HLCS: variants seen among roughly 807,000 people sequenced by gnomAD.
The protein encoded by HLCS is biotin--protein ligase.
Under a neutral mutation model 75.0 loss-of-function variants are expected in HLCS, and 53 were observed. The ratio of observed to expected loss-of-function variants is 0.71; its 90% CI spans 0.57 to 0.89. The LOEUF (loss-of-function observed/expected upper bound fraction) is 0.89. Ranked by LOEUF, HLCS falls within the 40% of genes least tolerant of loss-of-function variation. The pLI is 0.00. For missense variants in HLCS, 966 were observed against 1,074.0 expected, an observed-to-expected ratio of 0.90 and a Z score of 1.41; for synonymous variants, 431 against 428.6, an observed-to-expected ratio of 1.01 and a Z score of -0.07.
At chr21:36,849,343 T>G (rs1021003434) in intron 6 of HLCS, among the ~76,000 whole-genome samples, 1 of 152,252 alleles carries the variant, frequency 6.6e-6, no homozygotes, top group Admixed American at 6.5e-5. Context: ...TAGATTTTAC[T>G]TGCATCAAAA....
intron 6 of HLCS, among the ~76,000 whole-genome samples, chr21:36,777,738 C>A (rs964604870): frequency 6.6e-6 from 1 of 152,084 alleles, no homozygotes; most frequent in South Asian, 2.1e-4. Context: ...TACATGGAAG[C>A]GATATTGTGA....
chr21:36,771,219 CAAAT>C (rs749446913), intron 6 of HLCS, among the ~76,000 whole-genome samples: 124 of 142,408 alleles, frequency 8.7e-4, no homozygotes, highest in Non-Finnish European at 1.2e-3. Context: ...GACTCCGTCT[CAAAT>C]AAATAAATAA....
intron 5 of HLCS, among the ~76,000 whole-genome samples, chr21:36,904,267 C>T (rs2065357655): frequency 2.6e-5 from 4 of 152,142 alleles, no homozygotes; most frequent in Admixed American, 1.3e-4. Context: ...TTCTTATGTG[C>T]ATGCAAGTTG....
At chr21:36,878,492 T>C (rs544167767) in intron 6 of HLCS, among the ~76,000 whole-genome samples, 1 of 152,300 alleles carries the variant, frequency 6.6e-6, no homozygotes, top group African/African-American at 2.4e-5. Flanking sequence ...TGAGCACCTA[T>C]TAAAGGTCAG....
At chr21:36,958,646 G>A (rs1352043842) in intron 2 of HLCS, among the ~76,000 whole-genome samples, 1 of 152,078 alleles carries the variant, frequency 6.6e-6, no homozygotes, top group Non-Finnish European at 1.5e-5. Context: ...ACAATTAGCT[G>A]GGCGTGGCAG....
At chr21:36,956,721 C>T in intron 2 of HLCS, among the ~76,000 whole-genome samples, 1 of 151,980 alleles carries the variant, frequency 6.6e-6, no homozygotes, top group East Asian at 1.9e-4. Context: ...CAGAGCGAGA[C>T]TCCGTCTCAA....
rs200629955 is a variant in HLCS, at chr21:36,936,559, C to T, written c.1327G>A (p.Val443Ile). ...TGGAGCCTGCCGGGGCTGAGCCGGA[C>T]GGGGCCTTCCTGGTACCTGCAGCCA... ...SSGCRYQEGP[V>I]RLSPGRLQGH... The change falls in exon 4 of 11, where the codon GTC becomes ATC. Residue 443 changes from valine to isoleucine, a missense_variant. Val to Ile is a conservative substitution (Grantham distance 29). Transcript: ENST00000674895. The T allele has an allele frequency of 1.2e-4, 194 of 1,614,074 alleles. No individual in the cohort carries two copies. Among genetic ancestry groups the T allele is most frequent in the Non-Finnish European group, 1.6e-4 (186 of 1,180,030 alleles).
At chr21:36,765,748 A>C (rs2090008501) in intron 7 of HLCS, among the ~76,000 whole-genome samples, 2 of 152,116 alleles carry the variant, frequency 1.3e-5, no homozygotes, top group Admixed American at 1.3e-4. Flanking sequence ...CCTGGGTTCA[A>C]GTGATTCTCC....
At chr21:36,798,862 C>T (rs1161845762) in intron 6 of HLCS, among the ~76,000 whole-genome samples, 1 of 152,044 alleles carries the variant, frequency 6.6e-6, no homozygotes, top group Non-Finnish European at 1.5e-5. Flanking sequence ...CAAATTTTTG[C>T]CTTTTAAAAA....
intron 5 of HLCS, among the ~76,000 whole-genome samples, chr21:36,921,213 G>C (rs757347543): frequency 2.0e-5 from 3 of 152,190 alleles, no homozygotes; most frequent in Non-Finnish European, 2.9e-5. Flanking sequence ...TTGGGGAGCC[G>C]AGGCAGGCGG....
Position 36,790,403 on chromosome 21 carries a change from A to AAAAC in HLCS, c.1893-23122_1893-23119dup, listed in dbSNP as rs367981758. Among the ~76,000 whole-genome samples, 1,349 of 152,186 alleles carry AAAAC rather than the reference A, an allele frequency of 8.9e-3. 5 individuals are homozygous for AAAAC. Among genetic ancestry groups the AAAAC allele is most frequent in the Admixed American group, 0.015 (228 of 15,288 alleles). ...TGGCGATGGAGTGGGACCCCATCTC[A>AAAAC]AAACAAACAAACAAACAAACAAAAA... On this transcript the variant is annotated intron_variant, in intron 6 of 10. Transcript: ENST00000674895.
chr21:36,834,324 T>C (rs2062325940), intron 6 of HLCS, among the ~76,000 whole-genome samples: 1 of 151,820 alleles, frequency 6.6e-6, no homozygotes, highest in Non-Finnish European at 1.5e-5. Flanking sequence ...TGTGTGGGAG[T>C]CTGTGGGAGT....
intron 5 of HLCS, among the ~76,000 whole-genome samples, chr21:36,897,900 G>A (rs2146339331): frequency 6.6e-6 from 1 of 152,262 alleles, no homozygotes; most frequent in Middle Eastern, 3.4e-3. Context: ...AGGAACTGAG[G>A]GCTGAGGGAA....
chr21:36,792,259 C>T (rs757152152), intron 6 of HLCS, among the ~76,000 whole-genome samples: 118 of 152,246 alleles, frequency 7.8e-4, no homozygotes, highest in Admixed American at 1.2e-3. Flanking sequence ...GCCTTTTCTT[C>T]TGTCACACAG....
At chr21:36,841,477 G>A (rs931629999) in intron 6 of HLCS, among the ~76,000 whole-genome samples, 17 of 152,210 alleles carry the variant, frequency 1.1e-4, no homozygotes, top group Admixed American at 6.5e-5. Flanking sequence ...CCTCTGCCAC[G>A]TGATCTAGAA....
At chr21:36,902,598 CT>C (rs1291410453) in intron 5 of HLCS, among the ~76,000 whole-genome samples, 1 of 152,202 alleles carries the variant, frequency 6.6e-6, no homozygotes, top group African/African-American at 2.4e-5. Context: ...TAGAAGTCAT[CT>C]TATGATTGCT....
chr21:36,793,326 C>T (rs1286401184), intron 6 of HLCS, among the ~76,000 whole-genome samples: 2 of 104,938 alleles, frequency 1.9e-5, no homozygotes, highest in African/African-American at 6.5e-5. Context: ...GATAGAGTCT[C>T]GCTCTGTTGC....
chr21:36,837,567 A>C (rs1488477493), intron 6 of HLCS, among the ~76,000 whole-genome samples: 2 of 152,226 alleles, frequency 1.3e-5, no homozygotes, highest in African/African-American at 4.8e-5. Context: ...TCTAGTGGGT[A>C]CTATTATCTA....
At chr21:36,761,079 G>A (rs114279580) in intron 8 of HLCS, among the ~76,000 whole-genome samples, 1,725 of 152,348 alleles carry the variant, frequency 0.011, 24 homozygotes, top group African/African-American at 0.036. Flanking sequence ...GTTGCAGGCC[G>A]GGCATGGCAC....
Sources: allele counts gnomAD v4.1 joint callset (sites outside exome capture counted in the v4.1 genomes callset), GRCh38; gene constraint gnomAD v4.1.1; transcripts MANE v1.5; gene names NCBI Gene and HGNC (gene_info 2026-07-23, HGNC 2026-07-21).